Variants in CNTN5 observed in about 807,000 individuals in gnomAD.
CNTN5 encodes the protein contactin 5.
In CNTN5, 77 loss-of-function variants were observed where a neutral mutation model predicts 129.1. That is an observed-to-expected ratio of 0.60 (90% CI 0.50 to 0.72). CNTN5 has a LOEUF of 0.72. CNTN5 is among the 30% of genes least tolerant of loss of function. The probability of loss-of-function intolerance (pLI) is 0.00; values close to 1 mark genes in which losing one functional copy is unlikely to be tolerated. For synonymous variants in CNTN5, 509 were observed against 465.6 expected (o/e 1.09, Z -1.20); for missense variants, 1,478 against 1,328.8 (o/e 1.11, Z -1.75).
intron 6 of CNTN5, among the ~76,000 whole-genome samples, chr11:99,902,234 G>A (rs1245875929): frequency 2.3e-5 from 3 of 132,240 alleles, no homozygotes; most frequent in African/African-American, 9.0e-5. Flanking sequence ...CAGCCCGCAA[G>A]CTAAGGAGTT....
At chr11:99,385,207 T>G (rs1591607171) in intron 2 of CNTN5, among the ~76,000 whole-genome samples, 1 of 152,168 alleles carries the variant, frequency 6.6e-6, no homozygotes. Context: ...TATTGTTAAC[T>G]TTAGTCACTG....
At chr11:99,562,353 T>A (rs1272855317) in intron 3 of CNTN5, among the ~76,000 whole-genome samples, 3 of 152,176 alleles carry the variant, frequency 2.0e-5, no homozygotes, top group African/African-American at 4.8e-5. Flanking sequence ...GAGTTATCAG[T>A]CATATACAGG....
At chr11:99,383,008 C>A (rs1307904211) in intron 2 of CNTN5, among the ~76,000 whole-genome samples, 1 of 151,418 alleles carries the variant, frequency 6.6e-6, no homozygotes, top group East Asian at 1.9e-4. Flanking sequence ...AGCCGTCCAC[C>A]ACGACGGCCA....
intron 1 of CNTN5, among the ~76,000 whole-genome samples, chr11:99,145,611 TA>T (rs201747429): frequency 6.6e-6 from 1 of 152,172 alleles, no homozygotes; most frequent in East Asian, 1.9e-4. Context: ...CATCTAGTTT[TA>T]AATATTTAGA....
intron 8 of CNTN5, among the ~76,000 whole-genome samples, chr11:99,996,834 G>C (rs116914835): frequency 0.011 from 1,673 of 152,178 alleles, 14 homozygotes; most frequent in Non-Finnish European, 0.02. Flanking sequence ...CACTTTAAAA[G>C]TCTCAGATTT....
At chr11:99,063,616 G>A (rs1013709246) in intron 1 of CNTN5, among the ~76,000 whole-genome samples, 4 of 151,944 alleles carry the variant, frequency 2.6e-5, no homozygotes, top group Admixed American at 2.6e-4. Flanking sequence ...CACATTAAAG[G>A]AGTCATAATT....
intron 1 of CNTN5, among the ~76,000 whole-genome samples, chr11:99,288,001 C>A (rs982968878): frequency 2.6e-5 from 4 of 151,994 alleles, no homozygotes; most frequent in African/African-American, 7.2e-5. Context: ...CCCTTATCCT[C>A]CTCTTCACTT....
At chr11:100,158,598 TTATTAG>T (rs1431244220) in intron 13 of CNTN5, among the ~76,000 whole-genome samples, 1 of 151,856 alleles carries the variant, frequency 6.6e-6, no homozygotes, top group East Asian at 1.9e-4. Context: ...GTGTTCAACT[TTATTAG>T]TATTAGAGAA....
chr11:99,511,720 G>A (rs1322484228), intron 2 of CNTN5, among the ~76,000 whole-genome samples: 2 of 151,774 alleles, frequency 1.3e-5, no homozygotes, highest in Admixed American at 6.6e-5. Context: ...TATGAATCTG[G>A]GTACTCCTGT....
At chr11:99,858,702 A>G (rs1948117113) in intron 6 of CNTN5, among the ~76,000 whole-genome samples, 1 of 130,606 alleles carries the variant, frequency 7.7e-6, no homozygotes, top group Non-Finnish European at 1.8e-5. Context: ...AGATGTTATA[A>G]AAATATTTTA....
At chr11:99,544,794 ATTTC>A (rs1948237724) in intron 2 of CNTN5, among the ~76,000 whole-genome samples, 1 of 152,320 alleles carries the variant, frequency 6.6e-6, no homozygotes, top group African/African-American at 2.4e-5. Context: ...CAGAATTCAG[ATTTC>A]TTTACTTTCC....
Position 99,613,349 on chromosome 11 carries a change from G to A in CNTN5, c.55+57080G>A, listed in dbSNP as rs920183443. 2.0e-5 allele frequency among the ~76,000 whole-genome samples: 3 copies of A among 152,288 alleles called. No individual in the cohort carries two copies. The East Asian group carries it at 5.8e-4, about 29-fold the overall frequency. ...TCGCTGGGCCTGTCTTCTTCCTGCA[G>A]TCTTGGGGAGAAGGGTCCTTGCTTC... is the stretch of plus-strand genomic sequence containing the variant. On this transcript the variant is annotated intron_variant, in intron 3 of 24. Coordinates refer to ENST00000524871, the MANE Select transcript of CNTN5 (RefSeq NM_014361.4).
At chr11:100,010,098 G>A (rs1940434594) in intron 9 of CNTN5, among the ~76,000 whole-genome samples, 1 of 152,042 alleles carries the variant, frequency 6.6e-6, no homozygotes, top group South Asian at 2.1e-4. Context: ...AGGGGTCAAG[G>A]GACAATGCAA....
chr11:99,265,673 TC>T (rs1862851472), intron 1 of CNTN5, among the ~76,000 whole-genome samples: 1 of 151,930 alleles, frequency 6.6e-6, no homozygotes, highest in Admixed American at 6.6e-5. Context: ...TCCAGCCCCT[TC>T]CCACCCAACT....
intron 1 of CNTN5, among the ~76,000 whole-genome samples, chr11:99,296,224 TTTACC>T (rs144650237): frequency 0.015 from 2,354 of 152,224 alleles, 38 homozygotes; most frequent in African/African-American, 0.031. Flanking sequence ...CCTGGTTAGT[TTTACC>T]TTAAGGGTTC....
chr11:99,718,935 T>C (rs1204642393), intron 3 of CNTN5, among the ~76,000 whole-genome samples: 2 of 152,036 alleles, frequency 1.3e-5, no homozygotes, highest in Non-Finnish European at 2.9e-5. Flanking sequence ...TCCTCAAGGA[T>C]TTTCACCGGT....
intron 8 of CNTN5, among the ~76,000 whole-genome samples, chr11:99,961,008 A>G (rs891668933): frequency 2.0e-5 from 3 of 151,742 alleles, no homozygotes; most frequent in African/African-American, 7.3e-5. Flanking sequence ...TTCAAGACCA[A>G]CCCAACCAAC....
chr11:99,236,528 C>A (rs1047886724), intron 1 of CNTN5, among the ~76,000 whole-genome samples: 2 of 151,646 alleles, frequency 1.3e-5, no homozygotes, highest in African/African-American at 4.8e-5. Flanking sequence ...TTAAATGGGG[C>A]TCAAAATCTG....
chr11:99,442,372 A>G (rs1480473798), intron 2 of CNTN5, among the ~76,000 whole-genome samples: 1 of 151,816 alleles, frequency 6.6e-6, no homozygotes, highest in Non-Finnish European at 1.5e-5. Flanking sequence ...GTTTCACCAC[A>G]TTGGCCAGGC....
Sources: allele counts gnomAD v4.1 joint callset (sites outside exome capture counted in the v4.1 genomes callset), GRCh38; gene constraint gnomAD v4.1.1; transcripts MANE v1.5; gene names NCBI Gene and HGNC (gene_info 2026-07-23, HGNC 2026-07-21).